Variants in ARHGAP39 observed in about 807,000 individuals in gnomAD.
ARHGAP39 encodes the protein rho GTPase-activating protein 39.
Under a neutral mutation model 106.9 loss-of-function variants are expected in ARHGAP39, and 44 were observed. The ratio of observed to expected loss-of-function variants is 0.41; its 90% CI spans 0.32 to 0.53. ARHGAP39 has a LOEUF of 0.53. Ranked by LOEUF, ARHGAP39 falls within the 20% of genes least tolerant of loss-of-function variation. The pLI is 0.21. For missense variants in ARHGAP39, 1,496 were observed against 1,577.3 expected (o/e 0.95, Z 0.87); for synonymous variants, 768 against 693.2 (o/e 1.11, Z -1.69).
intron 1 of ARHGAP39, among the ~76,000 whole-genome samples, chr8:144,685,083 G>A (rs1822544614): frequency 6.6e-6 from 1 of 152,012 alleles, no homozygotes; most frequent in Non-Finnish European, 1.5e-5. Flanking sequence ...CACCCACCAC[G>A]GGCGGGGTCC....
Position 144,599,468 on chromosome 8 carries a change from A to G in ARHGAP39, c.80+6067T>C, listed in dbSNP as rs553561566. Among the ~76,000 whole-genome samples the G allele has an allele frequency of 9.2e-5, 14 of 152,380 alleles. 1 individual carries two copies. In the South Asian group the frequency reaches 1.7e-3, roughly 18 times the overall value. On this transcript the variant is annotated intron_variant, in intron 2 of 11. Transcript: ENST00000377307. ...TAAGAAAACATACTAACATCTGTTT[A>G]TTCTTCACAATAGAAACCCAGGAGA...
intron 1 of ARHGAP39, among the ~76,000 whole-genome samples, chr8:144,634,040 C>T (rs1430212475): frequency 6.6e-6 from 1 of 152,292 alleles, no homozygotes; most frequent in Admixed American, 6.5e-5. Flanking sequence ...CTGAAAGAAG[C>T]CCTCTGTGCC....
upstream of ARHGAP39, among the ~76,000 whole-genome samples, chr8:144,687,006 T>TGACCACACACTGGCGGCGAGCAC (rs1822614461): frequency 4.9e-5 from 1 of 20,616 alleles, no homozygotes; most frequent in Non-Finnish European, 1.1e-4. Flanking sequence ...GCGGCGACCA[T>TGACCACACACTGGCGGCGAGCAC]TTCCCACCCC....
intron 1 of ARHGAP39, among the ~76,000 whole-genome samples, chr8:144,615,060 C>G (rs1820599199): frequency 6.6e-6 from 1 of 152,264 alleles, no homozygotes; most frequent in African/African-American, 2.4e-5. Flanking sequence ...GAGGCTCACG[C>G]CTATAATCCC....
At chr8:144,616,044 A>G (rs1820627299) in intron 1 of ARHGAP39, among the ~76,000 whole-genome samples, 1 of 152,218 alleles carries the variant, frequency 6.6e-6, no homozygotes, top group Non-Finnish European at 1.5e-5. Flanking sequence ...CACACCCCAC[A>G]CGGAAAGGAC....
rs1819193957 is a variant in ARHGAP39, at chr8:144,586,602, A to G, written c.81-5325T>C. ...AGCAGCCTCGGAGTGTGACTCCTTCACAGACACTGGGCTTCAATCTGGGGC... is the reference window on the plus strand; with the variant it reads ...AGCAGCCTCGGAGTGTGACTCCTTCGCAGACACTGGGCTTCAATCTGGGGC... On this transcript the variant is annotated intron_variant, in intron 2 of 11. Coordinates refer to ENST00000377307, the MANE Select transcript of ARHGAP39 (RefSeq NM_025251.3). The surrounding 1 kb of genome is among the most constrained non-coding windows in gnomAD (Gnocchi z 4.2). 6.6e-6 allele frequency: 1 copy of G among 152,230 alleles called. No individual in the cohort carries two copies. The highest frequency in any genetic ancestry group is 2.1e-4 in the South Asian group (1 of 4,824). The allele number at this position is 152,230 out of a possible 1,614,324, so 9.4% of individuals were successfully genotyped here. A position where few individuals can be genotyped will look rare whatever the true frequency, so the allele number is the denominator to read the frequency against.
intron 1 of ARHGAP39, among the ~76,000 whole-genome samples, chr8:144,619,963 C>A (rs545955868): frequency 3.2e-5 from 4 of 124,400 alleles, no homozygotes; most frequent in Non-Finnish European, 6.7e-5. Context: ...TGCCTGTGTG[C>A]GTGTGAGCCT....
At chr8:144,616,593 C>G (rs377230201) in intron 1 of ARHGAP39, among the ~76,000 whole-genome samples, 1 of 152,192 alleles carries the variant, frequency 6.6e-6, no homozygotes, top group African/African-American at 2.4e-5. Context: ...GTGTTGCTGA[C>G]TCTGAGCCAC....
intron 2 of ARHGAP39, among the ~76,000 whole-genome samples, chr8:144,583,203 G>A (rs934175137): frequency 1.3e-5 from 2 of 152,134 alleles, no homozygotes; most frequent in Non-Finnish European, 2.9e-5. Flanking sequence ...AACAAATCTA[G>A]GCAGCACCTT....
chr8:144,608,736 A>T (rs1815775391), intron 1 of ARHGAP39, among the ~76,000 whole-genome samples: 1 of 152,188 alleles, frequency 6.6e-6, no homozygotes, highest in Admixed American at 6.5e-5. Context: ...GGAGCAAAAC[A>T]TCTCTCTCTA....
At chr8:144,605,121 A>C (rs1820233822) in intron 2 of ARHGAP39, among the ~76,000 whole-genome samples, 1 of 152,018 alleles carries the variant, frequency 6.6e-6, no homozygotes, top group Non-Finnish European at 1.5e-5. Context: ...AATCAGCTAG[A>C]CGTGGTGGTG....
the ARHGAP39 span, among the ~76,000 whole-genome samples, chr8:144,694,586 T>C: frequency 6.6e-6 from 1 of 152,238 alleles, no homozygotes; most frequent in Non-Finnish European, 1.5e-5. Flanking sequence ...TGTGCGGTAG[T>C]AACAACTCCC....
intron 2 of ARHGAP39, among the ~76,000 whole-genome samples, chr8:144,588,575 C>T (rs1248131849): frequency 6.6e-6 from 1 of 152,226 alleles, no homozygotes; most frequent in Non-Finnish European, 1.5e-5. Context: ...GCGGGGCTCT[C>T]GCCAAGCCAT....
At position 144,531,189 on chromosome 8, in the gene ARHGAP39, A is replaced by AGG. The variant is rs1275608838; in HGVS notation, c.2981-319_2981-318insCC. Among the ~76,000 whole-genome samples the AGG allele has an allele frequency of 5.0e-4, 75 of 151,384 alleles. 4 individuals are homozygous for AGG. The highest frequency in any genetic ancestry group is 1.5e-3 in the African/African-American group (63 of 41,174). On this transcript the variant is annotated intron_variant, in intron 10 of 11. Coordinates refer to ENST00000377307, the MANE Select transcript of ARHGAP39 (RefSeq NM_025251.3). The stretch of plus-strand genomic sequence containing the variant: ...CAGGCACAGCTGAAGGGCACAGGGC[A>AGG]GAGAGCAGCAGGTGGGGAGTGGGCT...
intron 1 of ARHGAP39, among the ~76,000 whole-genome samples, chr8:144,664,527 G>A (rs574892926): frequency 6.6e-6 from 1 of 152,204 alleles, no homozygotes; most frequent in African/African-American, 2.4e-5. Context: ...GCAGGACTCA[G>A]CCATGGTTAT....
intron 2 of ARHGAP39, among the ~76,000 whole-genome samples, chr8:144,602,690 G>A (rs1017745566): frequency 2.2e-5 from 3 of 138,544 alleles, no homozygotes; most frequent in Non-Finnish European, 4.6e-5. Flanking sequence ...TCGTGTACCT[G>A]TGTGCATGTG....
intron 3 of ARHGAP39, among the ~76,000 whole-genome samples, chr8:144,565,438 C>T (rs1482262701): frequency 6.6e-6 from 1 of 152,166 alleles, no homozygotes; most frequent in Non-Finnish European, 1.5e-5. Flanking sequence ...CCCGTAATTC[C>T]AGCATGGTGG....
chr8:144,670,119 C>G lies in ARHGAP39; in HGVS notation c.-82+15567G>C, dbSNP rs1412650730. Among the ~76,000 whole-genome samples, 1 of 152,180 alleles carries G rather than the reference C, an allele frequency of 6.6e-6. No individual in the cohort carries two copies. Among genetic ancestry groups the G allele is most frequent in the African/African-American group, 2.4e-5 (1 of 41,420 alleles). ...CGGAACGTCCCTCAGCAATAAAAAG[C>G]AACAGAGCTCGGATGCATGCTAGAG... On this transcript the variant is annotated intron_variant, in intron 1 of 11. Coordinates refer to ENST00000377307, the MANE Select transcript of ARHGAP39 (RefSeq NM_025251.3). The surrounding 1 kb of genome is among the most constrained non-coding windows in gnomAD (Gnocchi z 4.4).
chr8:144,536,926 CAAAG>C (rs1816979660), intron 7 of ARHGAP39, among the ~76,000 whole-genome samples: 1 of 152,180 alleles, frequency 6.6e-6, no homozygotes. Flanking sequence ...CAAGTGGTCT[CAAAG>C]GAAGTGGAGC....
Sources: gnomAD v4.1 joint callset for allele counts (sites outside exome capture counted in the v4.1 genomes callset) on GRCh38, gnomAD v4.1.1 for gene constraint, Gnocchi (gnomAD v3.1) non-coding constraint, MANE v1.5 for transcripts, NCBI Gene and HGNC (gene_info 2026-07-23, HGNC 2026-07-21) for gene names.